The following SAMTOR variants were observed in gnomAD, a reference collection of about 807,000 sequenced individuals.
SAMTOR encodes S-adenosylmethionine sensor upstream of mTORC1, also known as UPF0532 protein C7orf60.
chr7:112,873,139 GC>G, the SAMTOR span, among the ~76,000 whole-genome samples: 1 of 151,950 alleles, frequency 6.6e-6, no homozygotes, highest in Non-Finnish European at 1.5e-5. Context: ...TGTCCATACT[GC>G]CCAAGGCAAT....
At chr7:112,869,743 G>T in the SAMTOR span, among the ~76,000 whole-genome samples, 2 of 152,124 alleles carry the variant, frequency 1.3e-5, no homozygotes, top group African/African-American at 2.4e-5. Context: ...TGACTGAAAT[G>T]ATACAGAATT....
At chr7:112,855,740 A>C in the SAMTOR span, among the ~76,000 whole-genome samples, 1 of 152,170 alleles carries the variant, frequency 6.6e-6, no homozygotes, top group African/African-American at 2.4e-5. Flanking sequence ...TTAAGGACTT[A>C]GGTGATTAGG....
chr7:112,929,413 G>C, the SAMTOR span, among the ~76,000 whole-genome samples: 11 of 151,942 alleles, frequency 7.2e-5, no homozygotes, highest in Non-Finnish European at 8.8e-5. Context: ...CTGTTAGGAT[G>C]GCTATTATCA....
the SAMTOR span, chr7:112,820,217 T>C: frequency 2.9e-3 from 441 of 152,562 alleles, 2 homozygotes; most frequent in Admixed American, 5.2e-3. Flanking sequence ...ACCATTTATA[T>C]CATAAAGGAT....
At chr7:112,860,585 A>C in the SAMTOR span, among the ~76,000 whole-genome samples, 1 of 152,126 alleles carries the variant, frequency 6.6e-6, no homozygotes, top group East Asian at 1.9e-4. Flanking sequence ...AAAAAACTAA[A>C]ACTAATACAA....
the SAMTOR span, among the ~76,000 whole-genome samples, chr7:112,848,499 T>C: frequency 6.6e-6 from 1 of 152,082 alleles, no homozygotes; most frequent in Non-Finnish European, 1.5e-5. Flanking sequence ...TTGCATTAGG[T>C]AGACGAGTAT....
chr7:112,928,003 C>CA, the SAMTOR span, among the ~76,000 whole-genome samples: 1 of 151,834 alleles, frequency 6.6e-6, no homozygotes, highest in Non-Finnish European at 1.5e-5. Flanking sequence ...CACTATGTCA[C>CA]AACTAAAAAA....
chr7:112,823,589 T>C, the SAMTOR span, among the ~76,000 whole-genome samples: 1 of 152,188 alleles, frequency 6.6e-6, no homozygotes. Flanking sequence ...GATATCTGGG[T>C]TGTTTCTAGT....
chr7:112,896,918 A>G, the SAMTOR span, among the ~76,000 whole-genome samples: 37 of 152,232 alleles, frequency 2.4e-4, no homozygotes, highest in Non-Finnish European at 4.6e-4. Context: ...GACATGAAAG[A>G]GAAAAGCAGA....
At chr7:112,907,062 T>C in the SAMTOR span, among the ~76,000 whole-genome samples, 2 of 151,928 alleles carry the variant, frequency 1.3e-5, no homozygotes, top group South Asian at 4.2e-4. Context: ...TAGTGTGAGA[T>C]GGGGGTATGG....
chr7:112,863,877 T>G, the SAMTOR span, among the ~76,000 whole-genome samples: 1 of 151,914 alleles, frequency 6.6e-6, no homozygotes, highest in Admixed American at 6.6e-5. Flanking sequence ...ACAAAAGAAA[T>G]AACTTTCCAT....
the SAMTOR span, among the ~76,000 whole-genome samples, chr7:112,848,823 G>C: frequency 2.6e-5 from 4 of 152,088 alleles, no homozygotes; most frequent in Non-Finnish European, 2.9e-5. Context: ...GGCCGAGGTG[G>C]GCGATCACGA....
the SAMTOR span, chr7:112,915,154 AT>A: frequency 1.2e-5 from 7 of 574,016 alleles, no homozygotes; most frequent in Admixed American, 1.9e-4. Flanking sequence ...AGAAGAACTG[AT>A]TGAACCCGGG....
chr7:112,919,516 C>T, the SAMTOR span, among the ~76,000 whole-genome samples: 1 of 151,962 alleles, frequency 6.6e-6, no homozygotes, highest in African/African-American at 2.4e-5. Flanking sequence ...AAAATTGACA[C>T]CCTAACATCA....
the SAMTOR span, among the ~76,000 whole-genome samples, chr7:112,917,278 C>T: frequency 6.6e-6 from 1 of 152,218 alleles, no homozygotes; most frequent in Non-Finnish European, 1.5e-5. Flanking sequence ...GATCAGACAG[C>T]AGCATTCGCG....
chr7:112,918,775 TA>T, the SAMTOR span, among the ~76,000 whole-genome samples: 67 of 151,918 alleles, frequency 4.4e-4, no homozygotes, highest in African/African-American at 1.3e-3. Flanking sequence ...AATGGAAAAC[TA>T]AAAAAGGCAG....
At chr7:112,865,004 T>C in the SAMTOR span, among the ~76,000 whole-genome samples, 1 of 152,168 alleles carries the variant, frequency 6.6e-6, no homozygotes, top group South Asian at 2.1e-4. Context: ...TCCGCTTGCC[T>C]TGACCTCTAA....
the SAMTOR span, among the ~76,000 whole-genome samples, chr7:112,859,578 G>A: frequency 6.6e-6 from 1 of 152,108 alleles, no homozygotes; most frequent in African/African-American, 2.4e-5. Flanking sequence ...GAGCTCCTTT[G>A]CCAGTAATGA....
the SAMTOR span, among the ~76,000 whole-genome samples, chr7:112,842,294 G>C: frequency 6.6e-6 from 1 of 151,850 alleles, no homozygotes; most frequent in Non-Finnish European, 1.5e-5. Flanking sequence ...ACCTGTTCAG[G>C]GTCTGTCTGC....
Sources: allele counts gnomAD v4.1 joint callset (sites outside exome capture counted in the v4.1 genomes callset), GRCh38; gene constraint gnomAD v4.1.1; transcripts MANE v1.5; gene names NCBI Gene and HGNC (gene_info 2026-07-23, HGNC 2026-07-21).